The following FRMD4A variants were observed in gnomAD, a reference collection of about 807,000 sequenced individuals.
FRMD4A encodes FERM domain-containing protein 4A.
A neutral mutation model predicts 129.1 loss-of-function variants in FRMD4A; 29 were observed. That is an observed-to-expected ratio of 0.22 (90% CI 0.17 to 0.31). FRMD4A has a LOEUF of 0.31. FRMD4A is among the 10% of genes least tolerant of loss of function. FRMD4A has a pLI of 1.00. For synonymous variants in FRMD4A, 634 were observed against 571.6 expected (o/e 1.11, Z -1.56); for missense variants, 1,272 against 1,375.8 (o/e 0.92, Z 1.19).
chr10:14,084,522 C>A (rs1431146755), intron 2 of FRMD4A, among the ~76,000 whole-genome samples: 1 of 152,206 alleles, frequency 6.6e-6, no homozygotes, highest in African/African-American at 2.4e-5. Context: ...GCTTTGACAT[C>A]TCAGGTCTTA....
intron 2 of FRMD4A, among the ~76,000 whole-genome samples, chr10:14,187,818 T>C (rs1182329433): frequency 6.6e-6 from 1 of 152,218 alleles, no homozygotes; most frequent in Non-Finnish European, 1.5e-5. Flanking sequence ...TTTGGTTTTC[T>C]TTGATTCCAT....
chr10:13,938,485 C>T lies in FRMD4A; in HGVS notation c.46-79573G>A, dbSNP rs117257756. On this transcript the variant is annotated intron_variant, in intron 2 of 24. Transcript: ENST00000357447. ...CTCAAACTCCTGAGCTCAGGCAATC[C>T]ATCCACCTCAACCTCCTAAAGTGCT... 3.3e-5 allele frequency among the ~76,000 whole-genome samples: 5 copies of T among 152,256 alleles called. No homozygotes were observed. In the East Asian group the frequency reaches 9.7e-4, roughly 29 times the overall value.
In FRMD4A at chr10:13,747,747, G is replaced by A. The variant is rs751209823; in HGVS notation, c.537C>T (p.Ser179=). The part of the protein sequence containing the change: ...LPTQALKEHP[S]LAYCEDRVIE... ...TCCAGGGGTCTTACCAGTAGGCCAG[G>A]GAAGGGTGCTCCTTCAGGGCTTGGG... The change falls in exon 9 of 25, where the codon TCC becomes TCT. Residue 179 remains serine, a synonymous_variant. Transcript: ENST00000357447. 9 of 1,581,582 alleles carry A rather than the reference G, an allele frequency of 5.7e-6. No homozygotes were observed. The East Asian group carries it at 1.8e-4, about 31-fold the overall frequency.
At chr10:14,224,387 C>T (rs917420130) in intron 2 of FRMD4A, among the ~76,000 whole-genome samples, 1 of 152,202 alleles carries the variant, frequency 6.6e-6, no homozygotes, top group East Asian at 1.9e-4. Flanking sequence ...GTCCACCTCC[C>T]CATCAAAGGA....
chr10:13,812,300 A>G (rs115206169), intron 3 of FRMD4A, among the ~76,000 whole-genome samples: 1 of 152,150 alleles, frequency 6.6e-6, no homozygotes, highest in Admixed American at 6.5e-5. Context: ...TTGGGAGACA[A>G]TTAGGTTTAA....
chr10:13,902,375 G>A, intron 2 of FRMD4A, among the ~76,000 whole-genome samples: 1 of 150,754 alleles, frequency 6.6e-6, no homozygotes, highest in Non-Finnish European at 1.5e-5. Flanking sequence ...AGATCTCTCT[G>A]CATGGAAAAT....
chr10:13,718,866 T>C (rs774806145), intron 12 of FRMD4A, among the ~76,000 whole-genome samples: 1 of 152,260 alleles, frequency 6.6e-6, no homozygotes, highest in African/African-American at 2.4e-5. Flanking sequence ...ATGGCTTTTA[T>C]GCTCTAATGT....
At chr10:14,155,187 C>T (rs188898560) in intron 2 of FRMD4A, among the ~76,000 whole-genome samples, 135 of 152,244 alleles carry the variant, frequency 8.9e-4, no homozygotes, top group Non-Finnish European at 1.5e-3. Context: ...CCCAGCTACT[C>T]GGGAGGCTGA....
intron 2 of FRMD4A, among the ~76,000 whole-genome samples, chr10:13,863,509 GA>G (rs1444583750): frequency 4.6e-5 from 7 of 152,284 alleles, no homozygotes; most frequent in African/African-American, 1.7e-4. Flanking sequence ...AGAATTGCTT[GA>G]ACCCAGGAGG....
rs192518570 is a variant in FRMD4A at position 14,146,973 on chromosome 10, T to C, written c.45+183085A>G. ...CCTCCTCACATTTGCAATTTTCTAT[T>C]TTTGTTTTAATAAATGTAGATATGC... On this transcript the variant is annotated intron_variant, in intron 2 of 24. Coordinates refer to ENST00000357447, the MANE Select transcript of FRMD4A (RefSeq NM_018027.5). Among the ~76,000 whole-genome samples the C allele has an allele frequency of 1.3e-4, 20 of 152,366 alleles. No homozygotes were observed. The East Asian group carries it at 3.1e-3, about 23-fold the overall frequency.
At chr10:14,095,998 G>A (rs772275884) in intron 2 of FRMD4A, among the ~76,000 whole-genome samples, 1 of 152,206 alleles carries the variant, frequency 6.6e-6, no homozygotes, top group African/African-American at 2.4e-5. Context: ...AGTTGTGAGA[G>A]GCTGTAAAAA....
intron 2 of FRMD4A, among the ~76,000 whole-genome samples, chr10:14,269,183 T>C (rs776082076): frequency 1.5e-4 from 23 of 152,176 alleles, no homozygotes; most frequent in Admixed American, 5.2e-4. Flanking sequence ...GCATCAGTAA[T>C]GCATCTATTC....
intron 15 of FRMD4A, among the ~76,000 whole-genome samples, chr10:13,688,302 C>T (rs1041123075): frequency 6.6e-6 from 1 of 152,022 alleles, no homozygotes; most frequent in Non-Finnish European, 1.5e-5. Flanking sequence ...GCACAAAAAA[C>T]CAAACACCGC....
At chr10:13,981,013 G>C (rs1314923761) in intron 2 of FRMD4A, among the ~76,000 whole-genome samples, 1 of 152,186 alleles carries the variant, frequency 6.6e-6, no homozygotes, top group South Asian at 2.1e-4. Flanking sequence ...AATTTAGTGA[G>C]TTGCCTAGAC....
chr10:13,861,196 T>C (rs1377679919), intron 2 of FRMD4A, among the ~76,000 whole-genome samples: 1 of 152,156 alleles, frequency 6.6e-6, no homozygotes, highest in Non-Finnish European at 1.5e-5. Flanking sequence ...CTGGATTGTG[T>C]TCCCCTAAAA....
At chr10:14,240,567 A>G (rs1013714805) in intron 2 of FRMD4A, among the ~76,000 whole-genome samples, 3 of 152,124 alleles carry the variant, frequency 2.0e-5, no homozygotes, top group Admixed American at 2.0e-4. Flanking sequence ...GTTCAAGTCT[A>G]TGCCCTGGAG....
intron 2 of FRMD4A, among the ~76,000 whole-genome samples, chr10:14,126,066 T>C (rs1838822190): frequency 6.6e-6 from 1 of 152,056 alleles, no homozygotes; most frequent in African/African-American, 2.4e-5. Flanking sequence ...CTTCCATCCA[T>C]CCGTCCAACC....
chr10:13,810,784 C>G (rs566192630), intron 4 of FRMD4A, 30 bp downstream of exon 4: 1 of 1,192,660 alleles, frequency 8.4e-7, no homozygotes. Flanking sequence ...ACTCTCCCTT[C>G]GGGCTGTGAG....
intron 4 of FRMD4A, among the ~76,000 whole-genome samples, chr10:13,809,513 A>G (rs2093410727): frequency 9.5e-6 from 1 of 105,560 alleles, no homozygotes; most frequent in African/African-American, 2.8e-5. Flanking sequence ...TTTGTTTAAA[A>G]GCTTTTAAAA....
Sources: gnomAD v4.1 joint callset for allele counts (sites outside exome capture counted in the v4.1 genomes callset) on GRCh38, gnomAD v4.1.1 for gene constraint, MANE v1.5 for transcripts, NCBI Gene and HGNC (gene_info 2026-07-23, HGNC 2026-07-21) for gene names.